The following PDE3A variants were observed in gnomAD, a reference collection of about 807,000 sequenced individuals.
PDE3A encodes phosphodiesterase 3A.
Under a neutral mutation model 98.3 loss-of-function variants are expected in PDE3A, and 43 were observed. The ratio of observed to expected loss-of-function variants is 0.44; its 90% CI spans 0.34 to 0.56. PDE3A has a LOEUF of 0.56. Among genes scored for constraint, PDE3A ranks in the 20% least tolerant of loss-of-function variants. The pLI is 0.01. For synonymous variants in PDE3A, 663 were observed against 567.9 expected (o/e 1.17, Z -2.38); for missense variants, 1,427 against 1,440.7 (o/e 0.99, Z 0.15).
At chr12:20,494,500 A>G (rs1945882945) in intron 1 of PDE3A, among the ~76,000 whole-genome samples, 1 of 152,008 alleles carries the variant, frequency 6.6e-6, no homozygotes, top group African/African-American at 2.4e-5. Context: ...ATTTCTTAAC[A>G]GAATAATGTA....
chr12:20,680,874 G>A lies in PDE3A; in HGVS notation c.*603G>A, dbSNP rs1403392099. ...TGTGTGTGTGTGTGTGTGTGTGAAA[G>A]AGAGACAGAAGGGAATGGTTTGAGA... On this transcript the variant is annotated 3_prime_UTR_variant, in exon 16 of 16. Transcript: ENST00000359062. 6.6e-6 allele frequency: 1 copy of A among 152,644 alleles called. No individual in the cohort carries two copies. Among genetic ancestry groups the A allele is most frequent in the Non-Finnish European group, 1.4e-5 (1 of 69,308 alleles). The allele number at this position is 152,644 out of a possible 1,614,324, so 9.5% of individuals were successfully genotyped here. A position where few individuals can be genotyped will look rare whatever the true frequency, so the allele number is the denominator to read the frequency against.
intron 1 of PDE3A, among the ~76,000 whole-genome samples, chr12:20,458,581 G>C (rs1945192272): frequency 6.6e-6 from 1 of 152,116 alleles, no homozygotes; most frequent in African/African-American, 2.4e-5. Flanking sequence ...CCTGGGAGGA[G>C]TTTTCACTAC....
Position 20,369,414 on chromosome 12 carries a change from C to T in PDE3A, c.130C>T (p.Arg44Cys), listed in dbSNP as rs768494749. Reference protein sequence around the residue: ...DPASPRDSGCRGCWGDLVLQP... With the variant: ...DPASPRDSGCCGCWGDLVLQP... Reference sequence around the variant, plus strand: ...CGCATCGCCGCGGGACTCGGGCTGCCGTGGCTGCTGGGGAGACCTGGTGCT... The same window carrying T: ...CGCATCGCCGCGGGACTCGGGCTGCTGTGGCTGCTGGGGAGACCTGGTGCT... Residue 44 changes from arginine (R) to cysteine (C), a missense_variant, in exon 1 of 16, where the codon CGT (arginine) becomes TGT (cysteine). By Grantham distance (180) the Arg-to-Cys change is radical (BLOSUM62 -3). Coordinates refer to ENST00000359062, the MANE Select transcript of PDE3A (RefSeq NM_000921.5). The T allele has an allele frequency of 1.3e-6, 2 of 1,554,476 alleles. No homozygotes were observed. Among genetic ancestry groups the T allele is most frequent in the Non-Finnish European group, 1.7e-6 (2 of 1,149,914 alleles).
chr12:20,394,945 A>C (rs1943981583), intron 1 of PDE3A, among the ~76,000 whole-genome samples: 3 of 152,110 alleles, frequency 2.0e-5, no homozygotes, highest in South Asian at 2.1e-4. Context: ...AGTAATGCTA[A>C]GGTTGAGATA....
At chr12:20,651,462 A>G (rs957940835) in intron 14 of PDE3A, among the ~76,000 whole-genome samples, 1 of 152,218 alleles carries the variant, frequency 6.6e-6, no homozygotes, top group African/African-American at 2.4e-5. Flanking sequence ...GTTAATCAAC[A>G]TTGCTGTGGA....
At chr12:20,405,222 T>C (rs966372484) in intron 1 of PDE3A, among the ~76,000 whole-genome samples, 1 of 152,158 alleles carries the variant, frequency 6.6e-6, no homozygotes, top group African/African-American at 2.4e-5. Flanking sequence ...TTGTCCATTC[T>C]ATTATGGGTG....
intron 1 of PDE3A, among the ~76,000 whole-genome samples, chr12:20,550,393 G>C (rs1442950337): frequency 6.6e-6 from 1 of 151,998 alleles, no homozygotes; most frequent in African/African-American, 2.4e-5. Flanking sequence ...TTTAATGTAA[G>C]GTATTGTCAA....
intron 1 of PDE3A, among the ~76,000 whole-genome samples, chr12:20,555,675 G>C (rs941149467): frequency 6.6e-6 from 1 of 152,178 alleles, no homozygotes; most frequent in Admixed American, 6.5e-5. Flanking sequence ...AAATTTGTTT[G>C]AGTAGAATTG....
chr12:20,377,515 A>G (rs758064389), intron 1 of PDE3A, among the ~76,000 whole-genome samples: 1 of 151,794 alleles, frequency 6.6e-6, no homozygotes, highest in Non-Finnish European at 1.5e-5. Flanking sequence ...TGGCTACCAT[A>G]TTGGACAGTG....
intron 4 of PDE3A, among the ~76,000 whole-genome samples, chr12:20,618,699 A>C (rs1025543026): frequency 6.6e-6 from 1 of 152,134 alleles, no homozygotes; most frequent in African/African-American, 2.4e-5. Context: ...GGGGTAAATT[A>C]GATGGAAGAA....
At chr12:20,423,379 T>C (rs1311623390) in intron 1 of PDE3A, among the ~76,000 whole-genome samples, 1 of 152,224 alleles carries the variant, frequency 6.6e-6, no homozygotes, top group Admixed American at 6.5e-5. Context: ...TATGTGCTCA[T>C]ATCTGTTTTA....
chr12:20,650,988 A>G (rs975017986), intron 14 of PDE3A, among the ~76,000 whole-genome samples: 3 of 152,152 alleles, frequency 2.0e-5, no homozygotes, highest in African/African-American at 7.2e-5. Context: ...CATTAATTTC[A>G]CTTACTTTCC....
chr12:20,511,439 C>T (rs1946221347), intron 1 of PDE3A, among the ~76,000 whole-genome samples: 1 of 151,136 alleles, frequency 6.6e-6, no homozygotes, highest in Non-Finnish European at 1.5e-5. Flanking sequence ...CACACACACA[C>T]ACACACATAC....
At chr12:20,517,696 T>C (rs922596571) in intron 1 of PDE3A, among the ~76,000 whole-genome samples, 3 of 152,164 alleles carry the variant, frequency 2.0e-5, no homozygotes, top group African/African-American at 7.2e-5. Flanking sequence ...AACTTATTAA[T>C]TATCTTAAAT....
At position 20,553,054 on chromosome 12, in the gene PDE3A, G is replaced by A. The variant is rs1262822645; in HGVS notation, c.961-3606G>A. 43 of 1,223,886 alleles carry A rather than the reference G, an allele frequency of 3.5e-5. No individual in the cohort carries two copies. In the East Asian group the frequency reaches 7.2e-4, roughly 20 times the overall value. The allele number at this position is 1,223,886 out of a possible 1,614,324, so 75.8% of individuals were successfully genotyped here. ...ACAGGCGTTTTGCTGAAAACGTGTC[G>A]GAGGGCTCGTTCATCGGCACTGATT... On this transcript the variant is annotated intron_variant, in intron 1 of 15. Transcript: ENST00000359062.
At chr12:20,421,324 T>G (rs764453217) in intron 1 of PDE3A, among the ~76,000 whole-genome samples, 1 of 152,236 alleles carries the variant, frequency 6.6e-6, no homozygotes, top group Non-Finnish European at 1.5e-5. Flanking sequence ...AGCCATTTTA[T>G]ACTAATAGGA....
chr12:20,506,102 GTGTGT>G (rs1946113248), intron 1 of PDE3A, among the ~76,000 whole-genome samples: 1 of 16,042 alleles, frequency 6.2e-5, no homozygotes, highest in East Asian at 1.1e-3. Flanking sequence ...AAAGGAAGGT[GTGTGT>G]GTGTGTGTGT....
intron 1 of PDE3A, among the ~76,000 whole-genome samples, chr12:20,386,533 G>T (rs1943810820): frequency 6.6e-6 from 1 of 151,402 alleles, no homozygotes; most frequent in Non-Finnish European, 1.5e-5. Context: ...TAGAGTTGGG[G>T]TTTCACCATG....
At position 20,682,729 on chromosome 12, in the gene PDE3A, A is replaced by G. The variant is rs898523783; in HGVS notation, c.*2458A>G. On this transcript the variant is annotated 3_prime_UTR_variant, in exon 16 of 16. Transcript: ENST00000359062. The stretch of plus-strand genomic sequence containing the variant: ...TTTCTTTCCTTGCAATTAAGGGGAA[A>G]AAAGCATTTATCTTATCTTCTCATA... 2 of 152,206 alleles carry G rather than the reference A, an allele frequency of 1.3e-5. No individual in the cohort carries two copies. The highest frequency in any genetic ancestry group is 2.9e-5 in the Non-Finnish European group (2 of 68,032). 9.4% of individuals were successfully genotyped at this position (152,206 alleles called of 1,614,324 possible). A position where few individuals can be genotyped will look rare whatever the true frequency, so the allele number is the denominator to read the frequency against.
Sources: gnomAD v4.1 joint callset for allele counts (sites outside exome capture counted in the v4.1 genomes callset) on GRCh38, gnomAD v4.1.1 for gene constraint, MANE v1.5 for transcripts, NCBI Gene and HGNC (gene_info 2026-07-23, HGNC 2026-07-21) for gene names.